Variants in FOXN3 observed in about 807,000 individuals in gnomAD.
FOXN3 encodes the protein forkhead box N3, also known as forkhead box protein N3.
FOXN3 carries 7 observed loss-of-function variants against 38.4 expected under a neutral mutation model. The observed-to-expected ratio is 0.18, with a 90% CI of 0.10 to 0.34. The LOEUF is 0.34. FOXN3 is among the 10% of genes least tolerant of loss of function. The pLI is 1.00. For missense variants in FOXN3, 456 were observed against 613.4 expected (o/e 0.74, Z 2.71); for synonymous variants, 230 against 242.2 (o/e 0.95, Z 0.47).
At chr14:89,474,714 C>T (rs939337336) in intron 1 of FOXN3, among the ~76,000 whole-genome samples, 3 of 151,884 alleles carry the variant, frequency 2.0e-5, no homozygotes, top group African/African-American at 7.3e-5. Flanking sequence ...TTGTATGTCT[C>T]GGGTAGAAGA....
intron 1 of FOXN3, among the ~76,000 whole-genome samples, chr14:89,573,107 T>C (rs1480166431): frequency 6.6e-6 from 1 of 152,192 alleles, no homozygotes; most frequent in Non-Finnish European, 1.5e-5. Flanking sequence ...CTAGTGCTTC[T>C]GAGTGTCCCC....
chr14:89,220,424 T>C (rs945046638), intron 4 of FOXN3, among the ~76,000 whole-genome samples: 3 of 152,228 alleles, frequency 2.0e-5, no homozygotes, highest in African/African-American at 4.8e-5. Flanking sequence ...TGAATAGTGC[T>C]GCACCATCTT....
chr14:89,521,167 G>T (rs1357694291), intron 1 of FOXN3, among the ~76,000 whole-genome samples: 1 of 152,032 alleles, frequency 6.6e-6, no homozygotes, highest in Admixed American at 6.6e-5. Context: ...AAAATTAGCT[G>T]GATGTGGTGG....
chr14:89,573,977 G>A (rs1037354402), intron 1 of FOXN3, among the ~76,000 whole-genome samples: 13 of 152,104 alleles, frequency 8.5e-5, no homozygotes, highest in Non-Finnish European at 1.8e-4. Context: ...GCTGCAGTGA[G>A]CCGTGATGGT....
intron 3 of FOXN3, among the ~76,000 whole-genome samples, chr14:89,288,724 CTATATATATATATATATATATATATATA>C (rs3994031): frequency 1.0e-3 from 44 of 42,784 alleles, no homozygotes; most frequent in South Asian, 5.7e-3. Flanking sequence ...CTCTCTCTCT[CTATATATATATATATATATATATATATA>C]TATATATATA....
chr14:89,613,360 G>C (rs1896434367), intron 1 of FOXN3, among the ~76,000 whole-genome samples: 1 of 152,118 alleles, frequency 6.6e-6, no homozygotes, highest in South Asian at 2.1e-4. Context: ...AACCATGGGA[G>C]CTTAATGCTC....
intron 2 of FOXN3, among the ~76,000 whole-genome samples, chr14:89,354,051 A>G (rs1252653978): frequency 6.6e-6 from 1 of 152,136 alleles, no homozygotes; most frequent in Non-Finnish European, 1.5e-5. Context: ...TATGCAAAGG[A>G]TAGAATGCTC....
chr14:89,440,677 G>A (rs562552102), intron 1 of FOXN3, among the ~76,000 whole-genome samples: 7 of 152,132 alleles, frequency 4.6e-5, no homozygotes, highest in Admixed American at 1.3e-4. Flanking sequence ...CCTATAAAAC[G>A]GCCCCACCCT....
rs56353961 is a variant in FOXN3, at chr14:89,196,807, T to C, written c.746-16001A>G. Among the ~76,000 whole-genome samples, 843 of 152,296 alleles carry C rather than the reference T, an allele frequency of 5.5e-3. 8 individuals carry two copies. Among genetic ancestry groups the C allele is most frequent in the African/African-American group, 0.019 (786 of 41,550 alleles). On this transcript the variant is annotated intron_variant, in intron 4 of 5. Coordinates refer to ENST00000557258, the MANE Select transcript of FOXN3 (RefSeq NM_005197.4). ...TGTTCATTCCGCTTCCTCTGGGATT[T>C]AGTTTCAGTGGGAAGTGACTTGGAG...
chr14:89,402,559 G>C (rs1891277791), intron 2 of FOXN3, among the ~76,000 whole-genome samples: 1 of 152,230 alleles, frequency 6.6e-6, no homozygotes, highest in African/African-American at 2.4e-5. Context: ...CTTGCAGCTA[G>C]AAGTCATGTG....
intron 1 of FOXN3, among the ~76,000 whole-genome samples, chr14:89,451,607 G>A (rs1278943401): frequency 1.3e-5 from 2 of 152,134 alleles, no homozygotes; most frequent in East Asian, 1.9e-4. Context: ...GGATGCTACC[G>A]TGTCTCTGTG....
chr14:89,451,379 T>A (rs528301950), intron 1 of FOXN3, among the ~76,000 whole-genome samples: 1 of 152,246 alleles, frequency 6.6e-6, no homozygotes, highest in Non-Finnish European at 1.5e-5. Flanking sequence ...GAAATCTAAT[T>A]CCTCAAACCA....
intron 1 of FOXN3, among the ~76,000 whole-genome samples, chr14:89,534,305 A>G (rs1894638019): frequency 6.6e-6 from 1 of 151,774 alleles, no homozygotes; most frequent in Non-Finnish European, 1.5e-5. Flanking sequence ...GGGTTTCACC[A>G]TGTTGGCCAG....
intron 2 of FOXN3, among the ~76,000 whole-genome samples, chr14:89,385,343 C>G (rs1890762556): frequency 6.6e-6 from 1 of 151,918 alleles, no homozygotes; most frequent in African/African-American, 2.4e-5. Flanking sequence ...TCACCTTGAG[C>G]CTAAGTTAAG....
At chr14:89,516,376 C>T (rs1224446018) in intron 1 of FOXN3, among the ~76,000 whole-genome samples, 6 of 152,062 alleles carry the variant, frequency 3.9e-5, no homozygotes, top group Non-Finnish European at 8.8e-5. Context: ...AAGTAAACCA[C>T]CGAAATTTCA....
chr14:89,429,231 C>T (rs1188795538), intron 1 of FOXN3, among the ~76,000 whole-genome samples: 3 of 152,134 alleles, frequency 2.0e-5, no homozygotes, highest in African/African-American at 4.8e-5. Context: ...AATCTGGCCT[C>T]GCAGATTTAT....
At chr14:89,594,469 T>C (rs1896018079) in intron 1 of FOXN3, among the ~76,000 whole-genome samples, 1 of 152,230 alleles carries the variant, frequency 6.6e-6, no homozygotes, top group Admixed American at 6.5e-5. Context: ...ACTTATGAAG[T>C]TGAACAACTT....
At chr14:89,314,929 G>C (rs1484658956) in intron 3 of FOXN3, among the ~76,000 whole-genome samples, 1 of 152,204 alleles carries the variant, frequency 6.6e-6, no homozygotes. Flanking sequence ...CAGCCTAAAA[G>C]AATGGAAATT....
In FOXN3 at chr14:89,249,966, T is replaced by C. The variant is rs1264549678; in HGVS notation, c.745+30984A>G. Among the ~76,000 whole-genome samples, 5 of 152,244 alleles carry C rather than the reference T, an allele frequency of 3.3e-5. No homozygotes were observed. The East Asian group carries it at 7.7e-4, about 23-fold the overall frequency. Reference sequence around the variant, plus strand: ...ACACAGCCATATCCATCAGTTGACATGCTACCTGTGGGTGCCTGGGCAGAG... The same window carrying C: ...ACACAGCCATATCCATCAGTTGACACGCTACCTGTGGGTGCCTGGGCAGAG... On this transcript the variant is annotated intron_variant, in intron 4 of 5. Transcript: ENST00000557258.
Sources: gnomAD v4.1 joint callset for allele counts (sites outside exome capture counted in the v4.1 genomes callset) on GRCh38, gnomAD v4.1.1 for gene constraint, MANE v1.5 for transcripts, NCBI Gene and HGNC (gene_info 2026-07-23, HGNC 2026-07-21) for gene names.